WDR36: variants seen among roughly 807,000 people sequenced by gnomAD.
The protein encoded by WDR36 is WD repeat domain 36.
WDR36 carries 63 observed loss-of-function variants against 112.7 expected under a neutral mutation model. The ratio of observed to expected loss-of-function variants is 0.56; its 90% confidence interval spans 0.46 to 0.69. The LOEUF is 0.69. WDR36 is among the 30% of genes least tolerant of loss of function. The pLI is 0.00. For missense variants in WDR36, 1,226 were observed against 1,070.3 expected (o/e 1.15, Z -2.03); for synonymous variants, 410 against 362.2 (o/e 1.13, Z -1.50).
Position 111,128,263 on chromosome 5 carries a change from A to C in WDR36, c.*1380A>C, listed in dbSNP as rs2112596328. 5.3e-6 allele frequency: 1 copy of C among 188,944 alleles called. No homozygotes were observed. The highest frequency in any genetic ancestry group is 8.4e-5 in the East Asian group (1 of 11,916). The allele number at this position is 188,944 out of a possible 1,614,324, so 11.7% of individuals were successfully genotyped here. Reference sequence around the variant, plus strand: ...AAGAGAGTTTTGTAGAATGATCTCCAAAAGAAGCAGTCCTCAAAAGGCATT... The same window carrying C: ...AAGAGAGTTTTGTAGAATGATCTCCCAAAGAAGCAGTCCTCAAAAGGCATT... On this transcript the variant is annotated 3_prime_UTR_variant, in exon 23 of 23. Coordinates refer to ENST00000513710, the MANE Select transcript of WDR36 (RefSeq NM_139281.3).
chr5:111,125,510 C>T, intron 21 of WDR36, 98 bp from the exon 22 acceptor site: 1 of 1,231,968 alleles, frequency 8.1e-7, no homozygotes, highest in Non-Finnish European at 1.1e-6. Flanking sequence ...TTTCCTGTAC[C>T]ATTTAAATAT....
At chr5:111,094,809 G>A in intron 1 of WDR36, 111 bp from the exon 2 acceptor site, 1 of 864,268 alleles carries the variant, frequency 1.2e-6, no homozygotes, top group Non-Finnish European at 1.8e-6. Flanking sequence ...TCTTTCTTAT[G>A]AAGGACAGCA....
At chr5:111,123,464 C>G (rs543282684) in intron 19 of WDR36, among the ~76,000 whole-genome samples, 1 of 152,150 alleles carries the variant, frequency 6.6e-6, no homozygotes, top group Non-Finnish European at 1.5e-5. Flanking sequence ...AGAGTTTGTA[C>G]TCAATACAAA....
intron 18 of WDR36, 97 bp downstream of exon 18, chr5:111,120,690 A>T: frequency 9.7e-7 from 1 of 1,029,062 alleles, no homozygotes; most frequent in East Asian, 2.4e-5. Flanking sequence ...GCATTCAATC[A>T]AAGTGTTTTT....
At chr5:111,097,562 G>C (rs1453089439) in intron 3 of WDR36, among the ~76,000 whole-genome samples, 2 of 152,162 alleles carry the variant, frequency 1.3e-5, no homozygotes, top group East Asian at 3.8e-4. Flanking sequence ...ACTTTATGTG[G>C]ATTGGTTATT....
intron 4 of WDR36, 142 bp downstream of exon 4, chr5:111,098,981 G>GA: frequency 1.5e-6 from 1 of 646,552 alleles, no homozygotes; most frequent in East Asian, 2.8e-5. Context: ...TAACGTGTAA[G>GA]AAAAAAAGTT....
rs148889129 is a variant in WDR36, at chr5:111,123,692, G to C, written c.2149-113G>C. Reference sequence around the variant, plus strand: ...TATTTTAACATTCTTATGTGAAAGAGTTTCATTCCTCTTTTACTTTTTGGT... The same window carrying C: ...TATTTTAACATTCTTATGTGAAAGACTTTCATTCCTCTTTTACTTTTTGGT... On this transcript the variant is annotated intron_variant, in intron 19 of 22. Coordinates refer to ENST00000513710, the MANE Select transcript of WDR36 (RefSeq NM_139281.3). The C allele has an allele frequency of 4.2e-4, 578 of 1,376,194 alleles. 2 individuals are homozygous for C. The East Asian group carries it at 0.013, about 32-fold the overall frequency. The allele number at this position is 1,376,194 out of a possible 1,614,324, so 85.2% of individuals were successfully genotyped here.
chr5:111,113,725 G>T (rs1027087955), intron 16 of WDR36, among the ~76,000 whole-genome samples: 1 of 152,134 alleles, frequency 6.6e-6, no homozygotes, highest in Non-Finnish European at 1.5e-5. Context: ...GCCATATCTG[G>T]TGAGAGCCTT....
At chr5:111,100,561 A>C in intron 4 of WDR36, 28 bp from the exon 5 acceptor site, 4 of 1,406,556 alleles carry the variant, frequency 2.8e-6, no homozygotes, top group Non-Finnish European at 3.9e-6. Context: ...TATTTTATAA[A>C]AAATATTTAT....
chr5:111,110,110 A>G (rs1433605541), intron 12 of WDR36, 79 bp from the exon 13 acceptor site: 5 of 948,712 alleles, frequency 5.3e-6, no homozygotes, highest in Admixed American at 1.7e-5. Context: ...GAACAAGTAG[A>G]TAAAAAAATG....
Position 111,126,896 on chromosome 5 carries a change from G to T in WDR36, c.*13G>T. 6.3e-7 allele frequency: 1 copy of T among 1,582,780 alleles called. No homozygotes were observed. Among genetic ancestry groups the T allele is most frequent in the Non-Finnish European group, 8.6e-7 (1 of 1,162,720 alleles). On this transcript the variant is annotated 3_prime_UTR_variant, in exon 23 of 23. Coordinates refer to ENST00000513710, the MANE Select transcript of WDR36 (RefSeq NM_139281.3). ...TGCTTTGTTGTAAAAATAAATTTGT[G>T]ACTAAACAAAGACTTTCATATTAAA...
At chr5:111,116,098 A>G (rs981234445) in intron 16 of WDR36, among the ~76,000 whole-genome samples, 6 of 151,250 alleles carry the variant, frequency 4.0e-5, no homozygotes, top group African/African-American at 1.5e-4. Context: ...GTGTGCCACC[A>G]TGCCTGGCTA....
rs1753543795 is a variant in WDR36 at position 111,120,549 on chromosome 5, A to G, written c.1958A>G (p.Tyr653Cys). Residue 653 changes from tyrosine to cysteine, a missense_variant, in exon 18 of 23, where the codon TAT becomes TGT. Physicochemically the swap from Tyr to Cys is radical, Grantham distance 194. Coordinates refer to ENST00000513710, the MANE Select transcript of WDR36 (RefSeq NM_139281.3). Reference sequence around the variant, plus strand: ...TCATTACGGCCACTTCCTGCAGATTATGTCCCTTCAATAGTCATGCTTCCT... The same window carrying G: ...TCATTACGGCCACTTCCTGCAGATTGTGTCCCTTCAATAGTCATGCTTCCT... ...VVSLRPLPADYVPSIVMLPGT... is the reference protein window; with the variant it reads ...VVSLRPLPADCVPSIVMLPGT... 6.2e-7 allele frequency: 1 copy of G among 1,613,164 alleles called. No homozygotes were observed. The highest frequency in any genetic ancestry group is 8.5e-7 in the Non-Finnish European group (1 of 1,179,396).
chr5:111,113,632 C>T (rs892781973), intron 16 of WDR36, among the ~76,000 whole-genome samples: 1 of 151,992 alleles, frequency 6.6e-6, no homozygotes, highest in Non-Finnish European at 1.5e-5. Flanking sequence ...TTGCTTATAA[C>T]AGAATATTGA....
chr5:111,098,148 G>T (rs1207831457), intron 3 of WDR36, among the ~76,000 whole-genome samples: 1 of 152,232 alleles, frequency 6.6e-6, no homozygotes, highest in Admixed American at 6.5e-5. Flanking sequence ...GTAGGAAGTT[G>T]TTACCACCCC....
At chr5:111,112,612 G>C in intron 15 of WDR36, among the ~76,000 whole-genome samples, 1 of 151,856 alleles carries the variant, frequency 6.6e-6, no homozygotes, top group African/African-American at 2.4e-5. Flanking sequence ...AAAAAATAAT[G>C]GGTGGCATAA....
Position 111,092,627 on chromosome 5 carries a change from C to G in WDR36, c.162+9C>G. ...GTTTCCACACCTATGACGTGAGTGA[C>G]TTCTTTTGTTAGCTTCCCAGGAAAA... On this transcript the variant is annotated intron_variant, in intron 1 of 22. Transcript: ENST00000513710. 2 of 1,611,162 alleles carry G rather than the reference C, an allele frequency of 1.2e-6. No homozygotes were observed. Among genetic ancestry groups the G allele is most frequent in the South Asian group, 2.2e-5 (2 of 90,886 alleles).
At chr5:111,118,134 C>T (rs1259258798) in intron 16 of WDR36, among the ~76,000 whole-genome samples, 1 of 152,158 alleles carries the variant, frequency 6.6e-6, no homozygotes, top group African/African-American at 2.4e-5. Context: ...TTAACACAAA[C>T]TCAGGTGTTT....
intron 4 of WDR36, among the ~76,000 whole-genome samples, 176 bp downstream of exon 4, chr5:111,099,015 C>T (rs1157818184): frequency 2.6e-5 from 4 of 152,118 alleles, no homozygotes; most frequent in Non-Finnish European, 5.9e-5. Flanking sequence ...AGATAAACAA[C>T]TTTAGCAAGT....
Sources: gnomAD v4.1 joint callset for allele counts (sites outside exome capture counted in the v4.1 genomes callset) on GRCh38, gnomAD v4.1.1 for gene constraint, MANE v1.5 for transcripts, NCBI Gene and HGNC (gene_info 2026-07-23, HGNC 2026-07-21) for gene names.